TRIQK: variants seen among roughly 807,000 people sequenced by gnomAD.
The protein encoded by TRIQK is triple QxxK/R motif-containing protein.
Under a neutral mutation model 10.8 loss-of-function variants are expected in TRIQK, and 10 were observed. That is an observed-to-expected ratio of 0.92 (90% CI 0.57 to 1.57). The LOEUF is 1.57. Among genes scored for constraint, TRIQK ranks in the 40% most tolerant of loss-of-function variants. The probability of loss-of-function intolerance (pLI) is 0.00; values close to 1 mark genes in which losing one functional copy is unlikely to be tolerated. For missense variants in TRIQK, 107 were observed against 97.7 expected (o/e 1.09, Z -0.40); for synonymous variants, 33 against 33.7 (o/e 0.98, Z 0.07).
intron 3 of TRIQK, among the ~76,000 whole-genome samples, chr8:92,901,201 A>G (rs1372511962): frequency 2.0e-5 from 3 of 152,110 alleles, no homozygotes; most frequent in African/African-American, 7.2e-5. Flanking sequence ...AAACAAGGAT[A>G]ATTTGATTTC....
intron 1 of TRIQK, among the ~76,000 whole-genome samples, chr8:92,976,014 G>A (rs566623487): frequency 7.2e-5 from 11 of 151,748 alleles, no homozygotes; most frequent in East Asian, 1.9e-4. Context: ...ATTCTGTTGC[G>A]GTTAGAGAAT....
At chr8:92,910,814 T>C (rs1321018042) in intron 3 of TRIQK, among the ~76,000 whole-genome samples, 1 of 151,284 alleles carries the variant, frequency 6.6e-6, no homozygotes, top group African/African-American at 2.4e-5. Flanking sequence ...AACGAAAACA[T>C]AGCTTCAAAT....
intron 3 of TRIQK, among the ~76,000 whole-genome samples, chr8:92,900,176 AT>A (rs1179810345): frequency 6.6e-6 from 1 of 151,910 alleles, no homozygotes; most frequent in Non-Finnish European, 1.5e-5. Flanking sequence ...GTTTGCAAAT[AT>A]TTTCTCCCAT....
chr8:92,945,414 C>T (rs1739673528), intron 2 of TRIQK, among the ~76,000 whole-genome samples: 1 of 152,194 alleles, frequency 6.6e-6, no homozygotes, highest in African/African-American at 2.4e-5. Context: ...CAATTGCCTA[C>T]TGGGGTCAGG....
chr8:92,916,829 T>A (rs1809878544), intron 3 of TRIQK, 100 bp downstream of exon 3: 5 of 808,396 alleles, frequency 6.2e-6, no homozygotes, highest in Non-Finnish European at 8.5e-6. Context: ...CACATATTTC[T>A]GTGTATCATA....
chr8:92,915,989 CTT>C (rs1309535455), intron 3 of TRIQK, among the ~76,000 whole-genome samples: 6 of 151,740 alleles, frequency 4.0e-5, no homozygotes, highest in Non-Finnish European at 8.8e-5. Context: ...AATGTAACTT[CTT>C]TGTTTATCCT....
intron 2 of TRIQK, among the ~76,000 whole-genome samples, chr8:92,940,788 G>C (rs547695073): frequency 6.6e-6 from 1 of 152,090 alleles, no homozygotes; most frequent in Non-Finnish European, 1.5e-5. Context: ...CCTAACAGAT[G>C]TTTACAGAAT....
intron 1 of TRIQK, among the ~76,000 whole-genome samples, chr8:92,980,123 T>C (rs1053571339): frequency 1.3e-5 from 2 of 152,062 alleles, no homozygotes; most frequent in Non-Finnish European, 2.9e-5. Flanking sequence ...CACTCTATTT[T>C]GGACTTCTTT....
chr8:92,915,045 C>T (rs1436585109), intron 3 of TRIQK, among the ~76,000 whole-genome samples: 2 of 152,034 alleles, frequency 1.3e-5, no homozygotes, highest in Non-Finnish European at 2.9e-5. Context: ...GGAGGTCCTG[C>T]CATTTGGGAA....
intron 3 of TRIQK, among the ~76,000 whole-genome samples, chr8:92,912,695 T>C (rs1427457670): frequency 6.6e-6 from 1 of 151,986 alleles, no homozygotes; most frequent in East Asian, 1.9e-4. Flanking sequence ...GGGGCATTTA[T>C]AAACAATTAT....
chr8:92,934,742 C>T (rs901085885), intron 2 of TRIQK, among the ~76,000 whole-genome samples: 2 of 151,854 alleles, frequency 1.3e-5, no homozygotes, highest in Non-Finnish European at 2.9e-5. Flanking sequence ...GGTATTATAA[C>T]ATGTATTTAT....
At chr8:92,920,960 A>G (rs1810147642) in intron 2 of TRIQK, among the ~76,000 whole-genome samples, 1 of 151,686 alleles carries the variant, frequency 6.6e-6, no homozygotes, top group Non-Finnish European at 1.5e-5. Flanking sequence ...AGCCATGAAG[A>G]ATGGACAAAA....
chr8:92,965,676 GCTGGCAGGGCGGGAA>G (rs1019281300), intron 1 of TRIQK: 3 of 152,436 alleles, frequency 2.0e-5, no homozygotes, highest in African/African-American at 4.8e-5. Flanking sequence ...CGCCAGACAC[GCTGGCAGGGCGGGAA>G]CCGCGCGTTC....
At chr8:92,949,601 A>T (rs1413258637) in intron 2 of TRIQK, among the ~76,000 whole-genome samples, 1 of 149,238 alleles carries the variant, frequency 6.7e-6, no homozygotes, top group East Asian at 2.0e-4. Context: ...AGAAAGAAAG[A>T]AAAGAGAAAG....
intron 1 of TRIQK, among the ~76,000 whole-genome samples, chr8:92,958,325 A>C (rs1250870178): frequency 6.6e-6 from 1 of 151,942 alleles, no homozygotes; most frequent in Non-Finnish European, 1.5e-5. Context: ...CATTTCAATC[A>C]ATTACGTACT....
At chr8:92,888,019 G>T (rs1816573288) in intron 4 of TRIQK, among the ~76,000 whole-genome samples, 1 of 151,506 alleles carries the variant, frequency 6.6e-6, no homozygotes, top group African/African-American at 2.4e-5. Context: ...GAAACACTTT[G>T]GCATCTCAAA....
chr8:92,924,129 G>A (rs1810325181), intron 2 of TRIQK, among the ~76,000 whole-genome samples: 1 of 151,954 alleles, frequency 6.6e-6, no homozygotes, highest in South Asian at 2.1e-4. Context: ...GGCAGAAAAG[G>A]TATTTGGTTA....
chr8:92,945,096 G>T (rs1811460964), intron 2 of TRIQK, among the ~76,000 whole-genome samples: 1 of 152,140 alleles, frequency 6.6e-6, no homozygotes, highest in Admixed American at 6.5e-5. Context: ...TTTTAAAGAA[G>T]CTGGCCAGAT....
chr8:92,924,496 T>C lies in TRIQK; in HGVS notation c.-21-7486A>G, dbSNP rs1379645302. Among the ~76,000 whole-genome samples, 3 of 152,176 alleles carry C rather than the reference T, an allele frequency of 2.0e-5. No individual in the cohort carries two copies. In the South Asian group the frequency reaches 6.2e-4, roughly 31 times the overall value. ...TGTTCTGCAATTTGCTTTAAATGTC[T>C]TTTCAATACATCCCCACTTGTGAAA... On this transcript the variant is annotated intron_variant, in intron 2 of 4. Transcript: ENST00000521988.
Sources: gnomAD v4.1 joint callset for allele counts (sites outside exome capture counted in the v4.1 genomes callset) on GRCh38, gnomAD v4.1.1 for gene constraint, MANE v1.5 for transcripts, NCBI Gene and HGNC (gene_info 2026-07-23, HGNC 2026-07-21) for gene names.